Variants in GUCY1A2 observed in about 807,000 individuals in gnomAD.
GUCY1A2 encodes the protein guanylate cyclase 1 soluble subunit alpha 2.
GUCY1A2 carries 27 observed loss-of-function variants against 63.5 expected under a neutral mutation model. That is an observed-to-expected ratio of 0.43 (90% CI 0.31 to 0.59). The LOEUF is 0.59. Ranked by LOEUF, GUCY1A2 falls within the 20% of genes least tolerant of loss-of-function variation. The probability of loss-of-function intolerance (pLI) is 0.11; values close to 1 mark genes in which losing one functional copy is unlikely to be tolerated. For synonymous variants in GUCY1A2, 364 were observed against 343.5 expected, an observed-to-expected ratio of 1.06 and a Z score of -0.66; for missense variants, 768 against 913.3, an observed-to-expected ratio of 0.84 and a Z score of 2.05.
chr11:106,711,787 G>A (rs955824888), intron 6 of GUCY1A2, among the ~76,000 whole-genome samples: 12 of 151,964 alleles, frequency 7.9e-5, no homozygotes, highest in Admixed American at 6.6e-5. Flanking sequence ...GTCTTCATAT[G>A]TGAAAGATAC....
intron 6 of GUCY1A2, among the ~76,000 whole-genome samples, chr11:106,767,621 C>A (rs1864185875): frequency 1.3e-5 from 2 of 152,096 alleles, no homozygotes; most frequent in Admixed American, 1.3e-4. Context: ...CAGTGGAATT[C>A]TGTCTCATTG....
At chr11:106,782,759 C>T (rs891164055) in intron 5 of GUCY1A2, among the ~76,000 whole-genome samples, 29 of 131,682 alleles carry the variant, frequency 2.2e-4, no homozygotes, top group African/African-American at 6.8e-4. Context: ...GGCCAGGAAA[C>T]ACAAACACAC....
intron 5 of GUCY1A2, among the ~76,000 whole-genome samples, chr11:106,778,768 T>C (rs907671088): frequency 2.0e-5 from 3 of 152,178 alleles, no homozygotes; most frequent in Non-Finnish European, 2.9e-5. Flanking sequence ...ATTTATTGAA[T>C]ATTTGCTAAA....
intron 4 of GUCY1A2, among the ~76,000 whole-genome samples, chr11:106,921,577 A>G (rs371078956): frequency 1.3e-5 from 2 of 152,122 alleles, no homozygotes; most frequent in Non-Finnish European, 2.9e-5. Context: ...CTTCACAAAG[A>G]ACCAATTGTC....
intron 4 of GUCY1A2, among the ~76,000 whole-genome samples, chr11:106,872,868 G>T (rs1859699667): frequency 6.6e-6 from 1 of 151,948 alleles, no homozygotes; most frequent in East Asian, 1.9e-4. Context: ...GTATACATGT[G>T]CCATGGTGGC....
At chr11:106,832,608 T>G (rs147602989) in intron 4 of GUCY1A2, among the ~76,000 whole-genome samples, 1 of 152,150 alleles carries the variant, frequency 6.6e-6, no homozygotes, top group East Asian at 1.9e-4. Context: ...TTTTAAAAAC[T>G]TGCATAAGTG....
chr11:106,787,602 A>AGGGGGAGGGGGGAGGAGGG (rs1565289927), intron 5 of GUCY1A2, among the ~76,000 whole-genome samples: 11 of 39,944 alleles, frequency 2.8e-4, no homozygotes, highest in African/African-American at 4.9e-4. Flanking sequence ...GGGAAGGGAA[A>AGGGGGAGGGGGGAGGAGGG]AAGAGAAAGA....
chr11:106,884,991 G>T (rs1435212525), intron 4 of GUCY1A2, among the ~76,000 whole-genome samples: 2 of 152,034 alleles, frequency 1.3e-5, no homozygotes, highest in Non-Finnish European at 2.9e-5. Flanking sequence ...TAAGATAAAT[G>T]TACCTTCAGA....
chr11:106,714,157 C>T (rs552086681), intron 6 of GUCY1A2, among the ~76,000 whole-genome samples: 7 of 151,706 alleles, frequency 4.6e-5, no homozygotes, highest in Admixed American at 1.3e-4. Context: ...TATTATAACC[C>T]GAAAAATGCT....
intron 4 of GUCY1A2, chr11:106,827,314 G>A: frequency 6.4e-7 from 1 of 1,554,570 alleles, no homozygotes; most frequent in Admixed American, 1.7e-5. Context: ...GAGCTTTGAA[G>A]TCAAGAATTC....
At chr11:106,699,957 G>A (rs1050524876) in intron 7 of GUCY1A2, among the ~76,000 whole-genome samples, 1 of 151,686 alleles carries the variant, frequency 6.6e-6, no homozygotes, top group Non-Finnish European at 1.5e-5. Flanking sequence ...AATTTCTTTT[G>A]TATTTTTAGT....
intron 4 of GUCY1A2, among the ~76,000 whole-genome samples, chr11:106,909,355 C>CTGTGTGTGTGTGTGTGTA (rs1860259720): frequency 8.3e-6 from 1 of 119,980 alleles, no homozygotes. Flanking sequence ...TGGTACTCAT[C>CTGTGTGTGTGTGTGTGTA]TGTGTGTGTG....
intron 5 of GUCY1A2, among the ~76,000 whole-genome samples, chr11:106,784,360 T>C (rs1864519984): frequency 6.6e-6 from 1 of 151,938 alleles, no homozygotes; most frequent in Non-Finnish European, 1.5e-5. Flanking sequence ...CCAAGACTAG[T>C]GGTGCCAGTA....
Position 106,940,114 on chromosome 11 carries a change from C to T in GUCY1A2, c.552G>A (p.Glu184=). 2.5e-6 allele frequency: 4 copies of T among 1,612,562 alleles called. No homozygotes were observed. Among genetic ancestry groups the T allele is most frequent in the South Asian group, 2.2e-5 (2 of 91,006 alleles). Residue 184 remains glutamate, a synonymous_variant, in exon 4 of 8, where the codon GAG becomes GAA. Transcript: ENST00000526355. ...CTACAGCTCGAAGGACTCTCTCATT[C>T]TCATGAAAGCATATATTAAAGAACT... is the stretch of plus-strand genomic sequence containing the variant. ...GEEFFNICFH[E]NERVLRAVGG... is the part of the protein sequence containing the mutation.
intron 4 of GUCY1A2, among the ~76,000 whole-genome samples, chr11:106,832,581 T>C (rs778601686): frequency 6.6e-5 from 10 of 152,182 alleles, no homozygotes; most frequent in Middle Eastern, 3.4e-3. Context: ...TCTTTCACTA[T>C]CACTAGAGAA....
intron 1 of GUCY1A2, among the ~76,000 whole-genome samples, chr11:107,006,386 G>A (rs1349217109): frequency 2.0e-5 from 3 of 152,162 alleles, no homozygotes; most frequent in African/African-American, 7.2e-5. Context: ...TTTCCCCAAA[G>A]TCAAATTAGA....
At chr11:106,929,184 G>A (rs1860568620) in intron 4 of GUCY1A2, among the ~76,000 whole-genome samples, 2 of 152,112 alleles carry the variant, frequency 1.3e-5, no homozygotes, top group Non-Finnish European at 1.5e-5. Context: ...CAATTTCATG[G>A]AGGCTGAAAA....
chr11:107,014,924 C>T (rs1791404045), intron 1 of GUCY1A2, among the ~76,000 whole-genome samples: 1 of 152,144 alleles, frequency 6.6e-6, no homozygotes, highest in African/African-American at 2.4e-5. Flanking sequence ...AAATGTCCAG[C>T]TTTCATGAGA....
intron 1 of GUCY1A2, among the ~76,000 whole-genome samples, chr11:106,995,914 G>C (rs1044963006): frequency 1.1e-4 from 17 of 152,318 alleles, no homozygotes; most frequent in African/African-American, 4.1e-4. Context: ...GCTTCAATTT[G>C]AGTATTTCCA....
Sources: gnomAD v4.1 joint callset for allele counts (sites outside exome capture counted in the v4.1 genomes callset) on GRCh38, gnomAD v4.1.1 for gene constraint, MANE v1.5 for transcripts, NCBI Gene and HGNC (gene_info 2026-07-23, HGNC 2026-07-21) for gene names.